The following FSTL4 variants were observed in gnomAD, a reference collection of about 807,000 sequenced individuals.
The protein encoded by FSTL4 is follistatin-related protein 4.
FSTL4 carries 28 observed loss-of-function variants against 78.2 expected under a neutral mutation model. That is an observed-to-expected ratio of 0.36 (90% confidence interval 0.27 to 0.49). The LOEUF (loss-of-function observed/expected upper bound fraction) is 0.49. Among genes scored for constraint, FSTL4 ranks in the 20% least tolerant of loss-of-function variants. The pLI is 0.98. For missense variants in FSTL4, 922 were observed against 1,084.9 expected (o/e 0.85, Z 2.11); for synonymous variants, 422 against 440.5 (o/e 0.96, Z 0.53).
At chr5:133,607,931 G>A (rs924805000) in intron 1 of FSTL4, among the ~76,000 whole-genome samples, 1 of 152,024 alleles carries the variant, frequency 6.6e-6, no homozygotes, top group African/African-American at 2.4e-5. Context: ...AGGGAGGGAG[G>A]GGAACCATAA....
chr5:133,746,106 T>A, the FSTL4 span, among the ~76,000 whole-genome samples: 1 of 152,212 alleles, frequency 6.6e-6, no homozygotes, highest in Non-Finnish European at 1.5e-5. Flanking sequence ...AAATTAATAT[T>A]AAGGACTCCA....
chr5:133,406,579 G>A (rs1282598686), intron 3 of FSTL4, among the ~76,000 whole-genome samples: 1 of 152,222 alleles, frequency 6.6e-6, no homozygotes, highest in Non-Finnish European at 1.5e-5. Flanking sequence ...TGCCGGGGCT[G>A]CGTCAGGTCC....
Position 133,316,510 on chromosome 5 carries a change from C to T in FSTL4, c.552G>A (p.Arg184=). The T allele has an allele frequency of 6.2e-7, 1 of 1,614,170 alleles. No individual in the cohort carries two copies. The highest frequency in any genetic ancestry group is 8.5e-7 in the Non-Finnish European group (1 of 1,180,026). Residue 184 remains arginine (R), a synonymous_variant, in exon 5 of 16, where the codon AGG becomes AGA. Coordinates refer to ENST00000265342, the MANE Select transcript of FSTL4 (RefSeq NM_015082.2). ...QKRLLVESLF[R]DLDADGNGHL... ...GGCCATTGCCATCTGCATCTAAGTC[C>T]CTGAACAGAGATTCCACCAGGAGGC... is the stretch of plus-strand genomic sequence containing the variant.
chr5:133,582,799 C>A (rs867334227), intron 2 of FSTL4, among the ~76,000 whole-genome samples: 2 of 152,174 alleles, frequency 1.3e-5, no homozygotes, highest in Non-Finnish European at 2.9e-5. Flanking sequence ...TGGTCTTCTG[C>A]AGGTATAGAT....
At chr5:133,649,233 T>C in the FSTL4 span, among the ~76,000 whole-genome samples, 1 of 152,210 alleles carries the variant, frequency 6.6e-6, no homozygotes, top group African/African-American at 2.4e-5. Flanking sequence ...TATTCCATAG[T>C]CTGATGTGCC....
the FSTL4 span, among the ~76,000 whole-genome samples, chr5:133,757,507 C>T: frequency 6.6e-6 from 1 of 152,160 alleles, no homozygotes; most frequent in Non-Finnish European, 1.5e-5. Flanking sequence ...TTTTGTTATC[C>T]ACCTCGGAAG....
chr5:133,749,696 G>C, the FSTL4 span, among the ~76,000 whole-genome samples: 1 of 152,174 alleles, frequency 6.6e-6, no homozygotes, highest in Non-Finnish European at 1.5e-5. Context: ...ACTGAAGAGG[G>C]GACAGAGCTG....
At chr5:133,551,646 G>T (rs768148984) in intron 3 of FSTL4, among the ~76,000 whole-genome samples, 30 of 152,302 alleles carry the variant, frequency 2.0e-4, no homozygotes, top group Admixed American at 5.9e-4. Flanking sequence ...AAAATCGTGT[G>T]ATTCTGGAGG....
chr5:133,298,202 G>T (rs1319350351), intron 6 of FSTL4, among the ~76,000 whole-genome samples: 1 of 152,248 alleles, frequency 6.6e-6, no homozygotes, highest in African/African-American at 2.4e-5. Flanking sequence ...AAGGATTAAT[G>T]AATTCACTTA....
At chr5:133,488,138 T>C (rs1758173997) in intron 3 of FSTL4, among the ~76,000 whole-genome samples, 2 of 152,266 alleles carry the variant, frequency 1.3e-5, no homozygotes, top group African/African-American at 2.4e-5. Flanking sequence ...TGCTACCATA[T>C]ACACATATGG....
the FSTL4 span, among the ~76,000 whole-genome samples, chr5:133,669,394 G>A: frequency 7.2e-5 from 11 of 152,216 alleles, no homozygotes; most frequent in South Asian, 2.1e-4. Flanking sequence ...TTCACAGCCT[G>A]ACCAAAAGTG....
chr5:133,630,492 G>C, the FSTL4 span, among the ~76,000 whole-genome samples: 3,025 of 152,286 alleles, frequency 0.02, 103 homozygotes, highest in African/African-American at 0.068. Flanking sequence ...GGAGTTAAGA[G>C]AGGATGCAAA....
At chr5:133,816,194 A>G in the FSTL4 span, among the ~76,000 whole-genome samples, 1 of 152,156 alleles carries the variant, frequency 6.6e-6, no homozygotes, top group African/African-American at 2.4e-5. Context: ...TTGTGAGGCA[A>G]GTGGGCTCCC....
chr5:133,545,834 TC>T (rs1759562991), intron 3 of FSTL4, among the ~76,000 whole-genome samples: 1 of 152,170 alleles, frequency 6.6e-6, no homozygotes, highest in Non-Finnish European at 1.5e-5. Flanking sequence ...GTCTAGAACT[TC>T]TCAGAGATTA....
chr5:133,608,459 A>T (rs1342773744), intron 1 of FSTL4, among the ~76,000 whole-genome samples: 2 of 152,260 alleles, frequency 1.3e-5, no homozygotes, highest in African/African-American at 4.8e-5. Context: ...CAGAAGGTGG[A>T]CGAATCCACC....
At chr5:133,809,492 C>A in the FSTL4 span, among the ~76,000 whole-genome samples, 2,482 of 151,940 alleles carry the variant, frequency 0.016, 78 homozygotes, top group African/African-American at 0.056. Flanking sequence ...GTCCCAGCAT[C>A]CCCTCCTGGG....
At chr5:133,221,993 AAAC>A (rs1454510552) in intron 11 of FSTL4, among the ~76,000 whole-genome samples, 2 of 144,020 alleles carry the variant, frequency 1.4e-5, no homozygotes, top group African/African-American at 2.6e-5. Context: ...GTGAGTTAGA[AAAC>A]AACAAAACAG....
chr5:133,206,851 C>A (rs1162759075), intron 14 of FSTL4, among the ~76,000 whole-genome samples: 3 of 152,072 alleles, frequency 2.0e-5, no homozygotes, highest in Non-Finnish European at 4.4e-5. Context: ...TTCTTAAATA[C>A]TTCCTTTTCA....
chr5:133,363,540 T>C (rs1245236249), intron 4 of FSTL4, among the ~76,000 whole-genome samples: 1 of 152,190 alleles, frequency 6.6e-6, no homozygotes, highest in Non-Finnish European at 1.5e-5. Context: ...TGAATTTGAA[T>C]GGCCAGCCGC....
Sources: allele counts gnomAD v4.1 joint callset (sites outside exome capture counted in the v4.1 genomes callset), GRCh38; gene constraint gnomAD v4.1.1; transcripts MANE v1.5; gene names NCBI Gene and HGNC (gene_info 2026-07-23, HGNC 2026-07-21).